ERC1: variants seen among roughly 807,000 people sequenced by gnomAD.
The protein encoded by ERC1 is ELKS/RAB6-interacting/CAST family member 1.
In ERC1, 56 loss-of-function variants were observed where a neutral mutation model predicts 132.0. The ratio of observed to expected loss-of-function variants is 0.42; its 90% CI spans 0.34 to 0.53. ERC1 has a LOEUF of 0.53. ERC1 is among the 20% of genes least tolerant of loss of function. The probability of loss-of-function intolerance (pLI) is 0.03; values close to 1 mark genes in which losing one functional copy is unlikely to be tolerated. For missense variants in ERC1, 1,202 were observed against 1,349.9 expected, an observed-to-expected ratio of 0.89 and a Z score of 1.72; for synonymous variants, 478 against 476.1, an observed-to-expected ratio of 1.00 and a Z score of -0.05.
intron 7 of ERC1, among the ~76,000 whole-genome samples, chr12:1,128,537 C>T (rs1306494244): frequency 6.6e-6 from 1 of 152,104 alleles, no homozygotes; most frequent in Admixed American, 6.5e-5. Context: ...GCCCAGCTAG[C>T]ACTAGCTGTT....
intron 16 of ERC1, among the ~76,000 whole-genome samples, chr12:1,381,766 C>A (rs1419010025): frequency 6.6e-6 from 1 of 152,182 alleles, no homozygotes; most frequent in Non-Finnish European, 1.5e-5. Context: ...CCACTTTAAA[C>A]TTCTCTTCAA....
intron 13 of ERC1, among the ~76,000 whole-genome samples, chr12:1,262,760 AAC>A (rs2077221557): frequency 6.6e-6 from 1 of 152,186 alleles, no homozygotes; most frequent in African/African-American, 2.4e-5. Flanking sequence ...TCTGCTGTCT[AAC>A]ACAGTTTTGT....
At chr12:994,615 G>A (rs1204889868) in intron 1 of ERC1, among the ~76,000 whole-genome samples, 2 of 152,008 alleles carry the variant, frequency 1.3e-5, no homozygotes, top group Non-Finnish European at 2.9e-5. Flanking sequence ...ATAATTAGCT[G>A]GTTCACTAAC....
At chr12:1,361,327 G>A (rs2086095238) in intron 15 of ERC1, among the ~76,000 whole-genome samples, 1 of 151,348 alleles carries the variant, frequency 6.6e-6, no homozygotes, top group Non-Finnish European at 1.5e-5. Flanking sequence ...GTTAATGGGT[G>A]CAGCACACCA....
intron 3 of ERC1, among the ~76,000 whole-genome samples, chr12:1,103,961 C>G (rs1412669063): frequency 6.6e-6 from 1 of 151,782 alleles, no homozygotes; most frequent in Non-Finnish European, 1.5e-5. Flanking sequence ...TCTCTGTATT[C>G]CCTGGATTCC....
At chr12:1,407,297 G>C (rs541648690) in intron 16 of ERC1, among the ~76,000 whole-genome samples, 1 of 152,156 alleles carries the variant, frequency 6.6e-6, no homozygotes, top group African/African-American at 2.4e-5. Context: ...ATATATGAGA[G>C]AGAGAGAGCA....
At chr12:1,033,498 G>C (rs1430157165) in intron 2 of ERC1, among the ~76,000 whole-genome samples, 1 of 148,642 alleles carries the variant, frequency 6.7e-6, no homozygotes, top group Non-Finnish European at 1.5e-5. Flanking sequence ...TGGAGTCTCA[G>C]TGTTGCCCAG....
At chr12:1,367,531 C>T (rs1281692501) in intron 15 of ERC1, among the ~76,000 whole-genome samples, 3 of 152,166 alleles carry the variant, frequency 2.0e-5, no homozygotes, top group African/African-American at 7.2e-5. Flanking sequence ...CATATCACAA[C>T]GCTAATTACG....
At chr12:1,209,749 T>C (rs1039518532) in intron 12 of ERC1, among the ~76,000 whole-genome samples, 6 of 152,210 alleles carry the variant, frequency 3.9e-5, no homozygotes, top group Non-Finnish European at 8.8e-5. Flanking sequence ...ACTGATACTG[T>C]TGGTCTGTTG....
intron 16 of ERC1, among the ~76,000 whole-genome samples, chr12:1,376,088 C>T (rs975684657): frequency 3.9e-5 from 6 of 152,116 alleles, no homozygotes; most frequent in Non-Finnish European, 8.8e-5. Context: ...TGCAGACTCA[C>T]GCAGTGTTCA....
chr12:1,356,414 A>G (rs992013597), intron 15 of ERC1, among the ~76,000 whole-genome samples: 2 of 152,088 alleles, frequency 1.3e-5, no homozygotes, highest in African/African-American at 4.8e-5. Context: ...ATAAAATTCT[A>G]AAACTTGCTT....
chr12:1,238,137 T>C (rs2075552862), intron 13 of ERC1, among the ~76,000 whole-genome samples: 1 of 151,202 alleles, frequency 6.6e-6, no homozygotes, highest in Non-Finnish European at 1.5e-5. Flanking sequence ...TATTGGCAGT[T>C]TTCTCATCTT....
intron 14 of ERC1, among the ~76,000 whole-genome samples, chr12:1,272,416 A>G (rs534855483): frequency 2.0e-5 from 3 of 152,318 alleles, no homozygotes; most frequent in East Asian, 1.9e-4. Flanking sequence ...TCTAATTTAC[A>G]TATGTCAAGT....
chr12:1,424,837 AGATAGAT>A (rs1190256249), intron 17 of ERC1, among the ~76,000 whole-genome samples: 1,641 of 93,564 alleles, frequency 0.018, 17 homozygotes, highest in Non-Finnish European at 0.025. Context: ...ATAGATAGAT[AGATAGAT>A]GATAGATAGA....
At chr12:1,408,317 A>T in intron 17 of ERC1, 70 bp downstream of exon 17, 1 of 1,056,796 alleles carries the variant, frequency 9.5e-7, no homozygotes, top group Non-Finnish European at 1.4e-6. Context: ...TTGTACTAGC[A>T]TGTTGCAAAT....
intron 2 of ERC1, among the ~76,000 whole-genome samples, chr12:1,051,529 CAAAAAAAAAAAAAAA>C (rs35353366): frequency 1.0e-3 from 133 of 127,580 alleles, no homozygotes; most frequent in Admixed American, 3.4e-3. Flanking sequence ...GTCTCTACCC[CAAAAAAAAAAAAAAA>C]AAAAAAAAAA....
At chr12:1,435,897 C>T (rs1442139708) in intron 17 of ERC1, among the ~76,000 whole-genome samples, 1 of 152,284 alleles carries the variant, frequency 6.6e-6, no homozygotes, top group East Asian at 1.9e-4. Context: ...CGGGTAATAG[C>T]TAACTCTTCT....
At position 1,110,624 on chromosome 12, in the gene ERC1, T is replaced by G. The variant is rs370473869; in HGVS notation, c.1317+277T>G. Among the ~76,000 whole-genome samples the G allele has an allele frequency of 2.6e-5, 4 of 152,366 alleles. No homozygotes were observed. The South Asian group carries it at 6.2e-4, about 24-fold the overall frequency. On this transcript the variant is annotated intron_variant, in intron 5 of 18. Coordinates refer to ENST00000360905, the MANE Select transcript of ERC1 (RefSeq NM_178040.4). ...TTTAAGTTTTCATATCTATTAGTAC[T>G]TCCGAAAAACTTCCAGATGAGTTTT...
chr12:1,066,061 G>A (rs949614483), intron 2 of ERC1, among the ~76,000 whole-genome samples: 12 of 152,218 alleles, frequency 7.9e-5, no homozygotes, highest in Non-Finnish European at 1.5e-4. Context: ...TAACTTTGGA[G>A]TGATGGAAAT....
Sources: allele counts gnomAD v4.1 joint callset (sites outside exome capture counted in the v4.1 genomes callset), GRCh38; gene constraint gnomAD v4.1.1; transcripts MANE v1.5; gene names NCBI Gene and HGNC (gene_info 2026-07-23, HGNC 2026-07-21).